Variants in SPCS2 observed in about 807,000 individuals in gnomAD.
SPCS2 encodes the protein SPase 25 kDa subunit.
SPCS2 carries 3 observed loss-of-function variants against 22.3 expected under a neutral mutation model. That is an observed-to-expected ratio of 0.13 (90% confidence interval 0.06 to 0.35). The LOEUF is 0.35. Ranked by LOEUF, SPCS2 falls within the 10% of genes least tolerant of loss-of-function variation. The probability of loss-of-function intolerance (pLI) is 1.00; values close to 1 mark genes in which losing one functional copy is unlikely to be tolerated. For missense variants in SPCS2, 169 were observed against 280.9 expected, an observed-to-expected ratio of 0.60 and a Z score of 2.85; for synonymous variants, 67 against 97.2, an observed-to-expected ratio of 0.69 and a Z score of 1.83.
intron 3 of SPCS2, among the ~76,000 whole-genome samples, chr11:74,968,532 T>C (rs1440822507): frequency 2.7e-5 from 4 of 150,602 alleles, no homozygotes; most frequent in Non-Finnish European, 5.9e-5. Context: ...TTTTTTTTTT[T>C]TGAGACAGAG....
intron 1 of SPCS2, among the ~76,000 whole-genome samples, chr11:74,955,655 C>G (rs1193683135): frequency 2.6e-5 from 4 of 151,460 alleles, no homozygotes; most frequent in Non-Finnish European, 4.4e-5. Context: ...TACTAAAAAC[C>G]ACTGAATTGG....
chr11:74,958,265 G>A (rs1466821675), intron 1 of SPCS2, among the ~76,000 whole-genome samples: 2 of 152,218 alleles, frequency 1.3e-5, no homozygotes, highest in African/African-American at 4.8e-5. Context: ...TCTAACTCCA[G>A]TGATGAATGC....
At chr11:74,970,037 TC>T (rs1948574648) in intron 4 of SPCS2, among the ~76,000 whole-genome samples, 1 of 152,232 alleles carries the variant, frequency 6.6e-6, no homozygotes, top group Admixed American at 6.5e-5. Flanking sequence ...TCTTCTATGA[TC>T]CTGTCTTCTC....
chr11:74,957,727 A>G (rs1256658653), intron 1 of SPCS2, among the ~76,000 whole-genome samples: 2 of 152,234 alleles, frequency 1.3e-5, no homozygotes, highest in East Asian at 1.9e-4. Context: ...AGCATAGTTT[A>G]TAATTCATTG....
chr11:74,955,940 G>C (rs1409344507), intron 1 of SPCS2, among the ~76,000 whole-genome samples: 4 of 134,724 alleles, frequency 3.0e-5, no homozygotes, highest in Non-Finnish European at 6.2e-5. Flanking sequence ...TCTCTGCTCT[G>C]ATCTCCATCT....
chr11:74,959,279 A>G (rs1253397541), intron 1 of SPCS2, among the ~76,000 whole-genome samples: 2 of 152,234 alleles, frequency 1.3e-5, no homozygotes, highest in African/African-American at 2.4e-5. Flanking sequence ...CAGGTCTTTT[A>G]TATCACTGCA....
At chr11:74,963,330 G>T (rs1377387014) in intron 1 of SPCS2, among the ~76,000 whole-genome samples, 1 of 151,618 alleles carries the variant, frequency 6.6e-6, no homozygotes, top group Admixed American at 6.6e-5. Context: ...GGCACCAAGG[G>T]GGAAAAAAAA....
At chr11:74,962,269 A>T (rs900639365) in intron 1 of SPCS2, among the ~76,000 whole-genome samples, 1 of 152,252 alleles carries the variant, frequency 6.6e-6, no homozygotes, top group African/African-American at 2.4e-5. Context: ...CAGTTGAGGC[A>T]CAGTGAGCCA....
At chr11:74,966,163 G>A (rs1398958962) in intron 3 of SPCS2, among the ~76,000 whole-genome samples, 1 of 152,160 alleles carries the variant, frequency 6.6e-6, no homozygotes, top group East Asian at 1.9e-4. Context: ...TAATGTAGAG[G>A]TTATTGTCCT....
intron 1 of SPCS2, among the ~76,000 whole-genome samples, chr11:74,961,719 G>C (rs1948515374): frequency 1.3e-5 from 2 of 151,916 alleles, no homozygotes; most frequent in South Asian, 4.1e-4. Flanking sequence ...GTAGAGATGG[G>C]GTTTCACAAT....
At chr11:74,976,511 G>T (rs939261373) in intron 4 of SPCS2, among the ~76,000 whole-genome samples, 8 of 152,224 alleles carry the variant, frequency 5.3e-5, no homozygotes, top group Non-Finnish European at 8.8e-5. Context: ...TCTCAGGTGA[G>T]ATAGGGGAGA....
chr11:74,973,659 A>G (rs1477169214), intron 4 of SPCS2, among the ~76,000 whole-genome samples: 4 of 152,054 alleles, frequency 2.6e-5, no homozygotes, highest in Non-Finnish European at 4.4e-5. Context: ...CTTAGATTCC[A>G]TGACACTTCT....
chr11:74,969,379 G>T (rs1316793694), intron 3 of SPCS2, among the ~76,000 whole-genome samples, 186 bp from the exon 4 acceptor site: 1 of 152,150 alleles, frequency 6.6e-6, no homozygotes, highest in Non-Finnish European at 1.5e-5. Context: ...ACCAGAGAGA[G>T]CCTTGCTTCT....
intron 1 of SPCS2, among the ~76,000 whole-genome samples, chr11:74,949,800 C>G (rs1240417170): frequency 6.6e-6 from 1 of 152,182 alleles, no homozygotes; most frequent in African/African-American, 2.4e-5. Context: ...CCACCATCAC[C>G]CTTGCGTGCT....
At chr11:74,966,902 A>G (rs1377031970) in intron 3 of SPCS2, among the ~76,000 whole-genome samples, 1 of 152,114 alleles carries the variant, frequency 6.6e-6, no homozygotes, top group Non-Finnish European at 1.5e-5. Context: ...AGACGGGCAC[A>G]TGCCACCATG....
At chr11:74,974,625 G>GT (rs1056397185) in intron 4 of SPCS2, among the ~76,000 whole-genome samples, 6 of 151,788 alleles carry the variant, frequency 4.0e-5, no homozygotes, top group African/African-American at 1.5e-4. Context: ...TTTTTGTTTT[G>GT]TTTTTTTGAG....
intron 1 of SPCS2, among the ~76,000 whole-genome samples, chr11:74,949,913 A>G (rs2140202389): frequency 6.6e-6 from 1 of 152,298 alleles, no homozygotes; most frequent in South Asian, 2.1e-4. Flanking sequence ...TGACTGTTCT[A>G]CTGGGCTGAC....
At chr11:74,975,408 G>A (rs1948609248) in intron 4 of SPCS2, among the ~76,000 whole-genome samples, 1 of 151,998 alleles carries the variant, frequency 6.6e-6, no homozygotes, top group African/African-American at 2.4e-5. Context: ...GTCCCAAAAG[G>A]CAGACATTTA....
chr11:74,965,157 T>C lies in SPCS2; in HGVS notation c.198+40T>C, dbSNP rs1203203211. 22 of 1,296,758 alleles carry C rather than the reference T, an allele frequency of 1.7e-5. No individual in the cohort carries two copies. The Admixed American group carries it at 2.6e-4, about 15-fold the overall frequency. The allele number at this position is 1,296,758 out of a possible 1,614,324, so 80.3% of individuals were successfully genotyped here. On this transcript the variant is annotated intron_variant, in intron 2 of 4. Coordinates refer to ENST00000263672, the MANE Select transcript of SPCS2 (RefSeq NM_014752.3). Reference sequence around the variant, plus strand: ...AGGGGTTGGTTAGTATCTATACAGCTGATGGCCATCTCTCCTGGGAAATCT... The same window carrying C: ...AGGGGTTGGTTAGTATCTATACAGCCGATGGCCATCTCTCCTGGGAAATCT...
Sources: allele counts gnomAD v4.1 joint callset (sites outside exome capture counted in the v4.1 genomes callset), GRCh38; gene constraint gnomAD v4.1.1; transcripts MANE v1.5; gene names NCBI Gene and HGNC (gene_info 2026-07-23, HGNC 2026-07-21).